CD4: variants seen among roughly 807,000 people sequenced by gnomAD.
The protein encoded by CD4 is T-cell surface glycoprotein CD4.
Under a neutral mutation model 50.5 loss-of-function variants are expected in CD4, and 25 were observed. The observed-to-expected ratio is 0.49, with a 90% CI of 0.36 to 0.69. The LOEUF is 0.69. Among genes scored for constraint, CD4 ranks in the 30% least tolerant of loss-of-function variants. CD4 has a pLI of 0.00. For synonymous variants in CD4, 207 were observed against 221.9 expected, an observed-to-expected ratio of 0.93 and a Z score of 0.60; for missense variants, 456 against 548.5, an observed-to-expected ratio of 0.83 and a Z score of 1.68.
rs1943203709 is a variant in CD4 at position 6,819,145 on chromosome 12, G to A, written c.1347-154G>A. Among the ~76,000 whole-genome samples the A allele has an allele frequency of 2.0e-5, 3 of 151,898 alleles. No individual in the cohort carries two copies. The South Asian group carries it at 6.2e-4, about 32-fold the overall frequency. On this transcript the variant is annotated intron_variant, in intron 9 of 9. Transcript: ENST00000011653. ...GGCCAGGAGCTAGAAGGAGGCAGAA[G>A]TGGGAGGATGGAGCTGAAGGAGCAG...
At chr12:6,819,130 TAGA>T (rs1943203018) in intron 9 of CD4, among the ~76,000 whole-genome samples, 166 bp from the exon 10 acceptor site, 1 of 150,650 alleles carries the variant, frequency 6.6e-6, no homozygotes, top group African/African-American at 2.4e-5. Flanking sequence ...GGCCAGGAGC[TAGA>T]AGGAGGCAGA....
intron 3 of CD4, among the ~76,000 whole-genome samples, chr12:6,808,482 A>AAAAAAAT (rs1942841700): frequency 2.2e-4 from 30 of 135,358 alleles, no homozygotes; most frequent in Non-Finnish European, 2.9e-4. Context: ...AAAAAAAAAA[A>AAAAAAAT]GTGAAGTTTA....
chr12:6,801,255 C>A (rs1236563617), intron 3 of CD4, among the ~76,000 whole-genome samples: 1 of 150,710 alleles, frequency 6.6e-6, no homozygotes, highest in Non-Finnish European at 1.5e-5. Flanking sequence ...TAGTGGCTCA[C>A]ACCTGTAATC....
rs1454863650 is a variant in CD4, at chr12:6,816,308, C to A, written c.860C>A (p.Ala287Asp). The A allele has an allele frequency of 6.2e-7, 1 of 1,614,210 alleles. No homozygotes were observed. Among genetic ancestry groups the A allele is most frequent in the Non-Finnish European group, 8.5e-7 (1 of 1,180,030 alleles). ...KLPLHLTLPQ[A>D]LPQYAGSGNL... Reference sequence around the variant, plus strand: ...CCGCTCCACCTCACCCTGCCCCAGGCCTTGCCTCAGTATGCTGGCTCTGGA... The same window carrying A: ...CCGCTCCACCTCACCCTGCCCCAGGACTTGCCTCAGTATGCTGGCTCTGGA... The change falls in exon 6 of 10, where the codon GCC becomes GAC. Residue 287 changes from alanine (A) to aspartate (D), a missense_variant. Coordinates refer to ENST00000011653, the MANE Select transcript of CD4 (RefSeq NM_000616.5). This position sits in a 1 kb window ranked among gnomAD's most constrained non-coding sequence, Gnocchi z 4.9.
Position 6,792,861 on chromosome 12 carries a change from G to GACAGAC in CD4, c.-68+3210_-68+3215dup, listed in dbSNP as rs752023967. On this transcript the variant is annotated intron_variant, in intron 1 of 9. Transcript: ENST00000011653. The surrounding 1 kb of genome is among the most constrained non-coding windows in gnomAD (Gnocchi z 4.1). The stretch of plus-strand genomic sequence containing the variant: ...GCCTGGTATATGAGGCAAAGAGGAA[G>GACAGAC]ACAGACACAGACACAGGGAGCTGCA... Among the ~76,000 whole-genome samples the GACAGAC allele has an allele frequency of 1.3e-3, 202 of 152,194 alleles. No homozygotes were observed. Among genetic ancestry groups the GACAGAC allele is most frequent in the African/African-American group, 4.1e-3 (171 of 41,548 alleles).
chr12:6,802,987 C>T (rs756521058), intron 3 of CD4, among the ~76,000 whole-genome samples: 73 of 152,150 alleles, frequency 4.8e-4, no homozygotes, highest in Non-Finnish European at 1.0e-4. Flanking sequence ...CCCGGCTTGG[C>T]CTCCCAAAGT....
intron 3 of CD4, among the ~76,000 whole-genome samples, chr12:6,813,293 A>T (rs1565498680): frequency 6.6e-6 from 1 of 151,612 alleles, no homozygotes; most frequent in African/African-American, 2.4e-5. Flanking sequence ...CTGGGCACAA[A>T]CAATCTTTCC....
intron 3 of CD4, among the ~76,000 whole-genome samples, chr12:6,804,888 C>T (rs781787355): frequency 2.9e-4 from 44 of 151,868 alleles, no homozygotes; most frequent in African/African-American, 8.9e-4. Context: ...TGGTGGCAGG[C>T]GCCTGTAGAC....
chr12:6,814,357 TC>T, intron 4 of CD4, 57 bp downstream of exon 4: 3 of 1,554,488 alleles, frequency 1.9e-6, no homozygotes, highest in South Asian at 2.4e-5. Flanking sequence ...TCCCCACTAC[TC>T]CCACCCCTGC....
intron 1 of CD4, 126 bp downstream of exon 1, chr12:6,789,788 C>T (rs1027251120): frequency 1.3e-5 from 2 of 152,336 alleles, no homozygotes; most frequent in Admixed American, 1.3e-4. Flanking sequence ...TTGCATTTCT[C>T]TTGGAACTGG....
intron 5 of CD4, chr12:6,815,681 G>T (rs1555117790): frequency 7.8e-7 from 1 of 1,281,724 alleles, no homozygotes; most frequent in African/African-American, 1.5e-5. Flanking sequence ...TGAAAATGGT[G>T]CCTGGCACAG....
At position 6,818,443 on chromosome 12, in the gene CD4, G is replaced by A. The variant is rs368945148; in HGVS notation, c.1179G>A (p.Pro393=). 6.8e-6 allele frequency: 11 copies of A among 1,612,600 alleles called. No homozygotes were observed. In the South Asian group the frequency reaches 7.7e-5, roughly 11 times the overall value. Residue 393 remains proline (P), a synonymous_variant, in exon 8 of 10, where the codon CCG becomes CCA. Coordinates refer to ENST00000011653, the MANE Select transcript of CD4 (RefSeq NM_000616.5). This position sits in a 1 kb window ranked among gnomAD's most constrained non-coding sequence, Gnocchi z 5.0. Reference sequence around the variant, plus strand: ...CAGTTCTGCCCACATGGTCCACCCCGGTGCAGCCAATGGCCCTGATTGTGC... The same window carrying A: ...CAGTTCTGCCCACATGGTCCACCCCAGTGCAGCCAATGGCCCTGATTGTGC... ...NIKVLPTWST[P]VQPMALIVLG...
intron 1 of CD4, among the ~76,000 whole-genome samples, chr12:6,797,960 C>A (rs963684174): frequency 6.6e-6 from 1 of 152,070 alleles, no homozygotes; most frequent in Non-Finnish European, 1.5e-5. Context: ...TCAGCACAGA[C>A]CCTTTACGGG....
intron 3 of CD4, among the ~76,000 whole-genome samples, chr12:6,812,773 G>T (rs1259480234): frequency 7.2e-4 from 26 of 35,918 alleles, no homozygotes; most frequent in Admixed American, 2.4e-3. Context: ...GGTTATTTTT[G>T]TGTGTGTGTG....
intron 3 of CD4, among the ~76,000 whole-genome samples, chr12:6,811,174 AGT>A (rs1942925727): frequency 6.6e-6 from 1 of 152,210 alleles, no homozygotes; most frequent in African/African-American, 2.4e-5. Flanking sequence ...GAGAGGCTTT[AGT>A]CTTAGCCACC....
chr12:6,816,169 CA>C lies in CD4; in HGVS notation c.722del (p.Gln241ArgfsTer16). On this transcript the variant is annotated frameshift_variant, in exon 6 of 10. Coordinates refer to ENST00000011653, the MANE Select transcript of CD4 (RefSeq NM_000616.5). LOFTEE classifies it high-confidence loss of function. The surrounding 1 kb of genome is among the most constrained non-coding windows in gnomAD (Gnocchi z 4.9). ...GACGGGCAGTGGCGAGCTGTGGTGG[CA>C]GGCGGAGAGGGCTTCCTCCTCCAAG... The part of the protein sequence containing the change: ...KLTGSGELWW[Q>X]AERASSSKSW... 3 of 1,614,166 alleles carry C rather than the reference CA, an allele frequency of 1.9e-6. No individual in the cohort carries two copies. The highest frequency in any genetic ancestry group is 2.5e-6 in the Non-Finnish European group (3 of 1,180,010).
intron 1 of CD4, among the ~76,000 whole-genome samples, chr12:6,796,763 C>G (rs1003752561): frequency 6.6e-6 from 1 of 152,232 alleles, no homozygotes; most frequent in African/African-American, 2.4e-5. Flanking sequence ...GAAAGGATCA[C>G]TTGAGCCCAG....
chr12:6,816,424 G>A lies in CD4; in HGVS notation c.955+21G>A, dbSNP rs1555117981. The A allele has an allele frequency of 7.0e-6, 11 of 1,570,886 alleles. No homozygotes were observed. Among genetic ancestry groups the A allele is most frequent in the Non-Finnish European group, 8.7e-6 (10 of 1,151,986 alleles). The stretch of plus-strand genomic sequence containing the variant: ...GAGAGGTGAGGGGCCAGGCCAGGGA[G>A]GGGTGGGCAGGGGAAGGAGTTGGAG... On this transcript the variant is annotated intron_variant, in intron 6 of 9. Transcript: ENST00000011653. This position sits in a 1 kb window ranked among gnomAD's most constrained non-coding sequence, Gnocchi z 4.9.
chr12:6,802,536 A>G (rs1470287127), intron 3 of CD4, among the ~76,000 whole-genome samples: 1 of 151,130 alleles, frequency 6.6e-6, no homozygotes, highest in Non-Finnish European at 1.5e-5. Flanking sequence ...TTGAATTCCT[A>G]GGCTCAAGTG....
Sources: allele counts gnomAD v4.1 joint callset (sites outside exome capture counted in the v4.1 genomes callset), GRCh38; gene constraint gnomAD v4.1.1; non-coding constraint Gnocchi (gnomAD v3.1); transcripts MANE v1.5; gene names NCBI Gene and HGNC (gene_info 2026-07-23, HGNC 2026-07-21).